The following SHB variants were observed in gnomAD, a reference collection of about 807,000 sequenced individuals.
SHB encodes the protein SH2 domain-containing adapter protein B.
A neutral mutation model predicts 52.3 loss-of-function variants in SHB; 20 were observed. The ratio of observed to expected loss-of-function variants is 0.38; its 90% CI spans 0.27 to 0.56. The LOEUF is 0.56. SHB is among the 20% of genes least tolerant of loss of function. SHB has a pLI of 0.71. For missense variants in SHB, 825 were observed against 723.3 expected, an observed-to-expected ratio of 1.14 and a Z score of -1.61; for synonymous variants, 397 against 316.5, an observed-to-expected ratio of 1.25 and a Z score of -2.70.
intron 1 of SHB, among the ~76,000 whole-genome samples, chr9:38,048,619 G>C (rs1374845409): frequency 6.6e-6 from 1 of 152,146 alleles, no homozygotes; most frequent in African/African-American, 2.4e-5. Context: ...GGGTGACATA[G>C]CAAGGCCCTG....
intron 3 of SHB, among the ~76,000 whole-genome samples, chr9:37,965,654 C>A (rs375073249): frequency 4.6e-5 from 7 of 150,972 alleles, no homozygotes; most frequent in East Asian, 3.9e-4. Flanking sequence ...CGGCTGACTA[C>A]AACCTCCACC....
At chr9:38,060,332 G>A (rs947819546) in intron 1 of SHB, among the ~76,000 whole-genome samples, 2 of 152,030 alleles carry the variant, frequency 1.3e-5, no homozygotes, top group East Asian at 1.9e-4. Flanking sequence ...GTGCCAACAC[G>A]CCGAGCTAAT....
rs185943726 is a variant in SHB, at chr9:37,984,356, C to T, written c.839-9519G>A. ...GGGTCCACAACTCCCGAGGCCAGTG[C>T]CACTTTGATAATCTGACACCCCCAC... On this transcript the variant is annotated intron_variant, in intron 2 of 5. Transcript: ENST00000377707. Among the ~76,000 whole-genome samples the T allele has an allele frequency of 1.6e-4, 25 of 152,288 alleles. No individual in the cohort carries two copies. The East Asian group carries it at 4.8e-3, about 29-fold the overall frequency.
At chr9:37,947,655 G>A (rs1029695384) in intron 5 of SHB, among the ~76,000 whole-genome samples, 5 of 152,244 alleles carry the variant, frequency 3.3e-5, no homozygotes, top group African/African-American at 1.2e-4. Context: ...GTCGTGAGCA[G>A]AGAACACAGG....
At chr9:37,944,092 G>A (rs537989921) in intron 5 of SHB, among the ~76,000 whole-genome samples, 2 of 152,348 alleles carry the variant, frequency 1.3e-5, no homozygotes, top group African/African-American at 4.8e-5. Context: ...GAGTTGGCGG[G>A]CAGCCAAGGG....
At chr9:37,998,606 C>T (rs914051157) in intron 2 of SHB, among the ~76,000 whole-genome samples, 1 of 152,212 alleles carries the variant, frequency 6.6e-6, no homozygotes, top group East Asian at 1.9e-4. Context: ...GCACACGCCA[C>T]CACGCCCAGC....
chr9:38,014,975 A>G (rs1306484258), intron 2 of SHB, among the ~76,000 whole-genome samples: 1 of 152,238 alleles, frequency 6.6e-6, no homozygotes, highest in Non-Finnish European at 1.5e-5. Context: ...GCAAAAAACC[A>G]AACAAAAACC....
chr9:38,000,452 C>T (rs1276477615), intron 2 of SHB, among the ~76,000 whole-genome samples: 3 of 152,200 alleles, frequency 2.0e-5, no homozygotes, highest in African/African-American at 7.2e-5. Flanking sequence ...CCTGGAAGGC[C>T]CTGCACTCAT....
At chr9:38,027,678 C>T (rs1210812526) in intron 1 of SHB, among the ~76,000 whole-genome samples, 1 of 151,422 alleles carries the variant, frequency 6.6e-6, no homozygotes, top group Admixed American at 6.6e-5. Context: ...ATGCACAACC[C>T]ACCCCTCAGA....
intron 3 of SHB, among the ~76,000 whole-genome samples, chr9:37,974,417 AC>A (rs1274274021): frequency 6.6e-6 from 1 of 152,160 alleles, no homozygotes; most frequent in Non-Finnish European, 1.5e-5. Flanking sequence ...TGGAAGCCAG[AC>A]CCAGAATTTC....
At chr9:37,931,413 A>C (rs1832309658) in intron 5 of SHB, among the ~76,000 whole-genome samples, 1 of 152,250 alleles carries the variant, frequency 6.6e-6, no homozygotes, top group South Asian at 2.1e-4. Flanking sequence ...TAACCTGATT[A>C]TAAAATGGGC....
intron 3 of SHB, among the ~76,000 whole-genome samples, chr9:37,956,774 T>A (rs1832640499): frequency 6.6e-6 from 1 of 152,120 alleles, no homozygotes; most frequent in Non-Finnish European, 1.5e-5. Context: ...TGCCAGAGGG[T>A]TCCTGGAGAC....
At chr9:37,948,268 C>CA (rs931324073) in intron 5 of SHB, among the ~76,000 whole-genome samples, 2 of 152,260 alleles carry the variant, frequency 1.3e-5, no homozygotes, top group Non-Finnish European at 2.9e-5. Context: ...TACTCATCTG[C>CA]AAATTGGCGA....
intron 1 of SHB, among the ~76,000 whole-genome samples, chr9:38,050,274 G>C (rs537858150): frequency 6.6e-6 from 1 of 152,262 alleles, no homozygotes; most frequent in Non-Finnish European, 1.5e-5. Flanking sequence ...AATGGGAAAG[G>C]TTCCCTTTTA....
chr9:38,045,522 A>G (rs1264290044), intron 1 of SHB, among the ~76,000 whole-genome samples: 1 of 151,826 alleles, frequency 6.6e-6, no homozygotes, highest in African/African-American at 2.4e-5. Flanking sequence ...AAGGCAGGAG[A>G]ATCTCTTGAA....
chr9:38,007,374 C>G (rs1199055477), intron 2 of SHB, among the ~76,000 whole-genome samples: 1 of 152,242 alleles, frequency 6.6e-6, no homozygotes, highest in Non-Finnish European at 1.5e-5. Context: ...TCCCTTCCTT[C>G]ACGGAGCTCT....
chr9:38,036,527 G>A (rs774576551), intron 1 of SHB, among the ~76,000 whole-genome samples: 3 of 152,240 alleles, frequency 2.0e-5, no homozygotes, highest in Non-Finnish European at 4.4e-5. Context: ...AATGTTGCAA[G>A]AGCTTGGCTG....
chr9:37,927,070 G>A (rs1587193643), intron 5 of SHB, among the ~76,000 whole-genome samples: 1 of 152,218 alleles, frequency 6.6e-6, no homozygotes, highest in Admixed American at 6.5e-5. Context: ...AGGGTCTGAG[G>A]GAGAAGCAAC....
intron 3 of SHB, among the ~76,000 whole-genome samples, chr9:37,964,433 G>A (rs1832726580): frequency 6.6e-6 from 1 of 152,144 alleles, no homozygotes; most frequent in South Asian, 2.1e-4. Flanking sequence ...GCTATTACTG[G>A]GAGCAAAGAC....
Sources: gnomAD v4.1 joint callset for allele counts (sites outside exome capture counted in the v4.1 genomes callset) on GRCh38, gnomAD v4.1.1 for gene constraint, MANE v1.5 for transcripts, NCBI Gene and HGNC (gene_info 2026-07-23, HGNC 2026-07-21) for gene names.